The following FARP1 variants were observed in gnomAD, a reference collection of about 807,000 sequenced individuals.
FARP1 encodes FERM, ARHGEF and pleckstrin domain-containing protein 1.
FARP1 carries 52 observed loss-of-function variants against 128.8 expected under a neutral mutation model. The ratio of observed to expected loss-of-function variants is 0.40; its 90% CI spans 0.32 to 0.51. The LOEUF (loss-of-function observed/expected upper bound fraction) is 0.51, where lower values mean the gene tolerates loss of function less well. FARP1 is among the 20% of genes least tolerant of loss of function. The pLI, the probability that FARP1 is intolerant of heterozygous loss-of-function variation, is 0.45. For synonymous variants in FARP1, 580 were observed against 551.8 expected (o/e 1.05, Z -0.72); for missense variants, 1,333 against 1,367.9 (o/e 0.97, Z 0.40).
chr13:98,258,781 A>G (rs1383728777), intron 2 of FARP1, among the ~76,000 whole-genome samples: 3 of 152,140 alleles, frequency 2.0e-5, no homozygotes, highest in African/African-American at 2.4e-5. Context: ...TACCCTCTTG[A>G]TGAGATGACA....
intron 1 of FARP1, among the ~76,000 whole-genome samples, chr13:98,210,925 T>A (rs1037109739): frequency 6.6e-6 from 1 of 152,194 alleles, no homozygotes; most frequent in Non-Finnish European, 1.5e-5. Flanking sequence ...AAGTAGATTT[T>A]ATAGCATCAC....
chr13:98,296,529 T>A (rs1248542823), intron 2 of FARP1, among the ~76,000 whole-genome samples: 1 of 151,318 alleles, frequency 6.6e-6, no homozygotes, highest in Non-Finnish European at 1.5e-5. Flanking sequence ...CCGCTCTTCA[T>A]GCACATCCTC....
intron 24 of FARP1, among the ~76,000 whole-genome samples, chr13:98,441,041 C>T (rs566559634): frequency 1.3e-5 from 2 of 152,238 alleles, no homozygotes; most frequent in South Asian, 2.1e-4. Flanking sequence ...GAGTGGGCGC[C>T]GACCTCCCAC....
intron 1 of FARP1, among the ~76,000 whole-genome samples, chr13:98,180,812 G>T (rs1216585564): frequency 6.6e-6 from 1 of 152,172 alleles, no homozygotes; most frequent in East Asian, 1.9e-4. Context: ...GTTGAATGAG[G>T]AATGGTAGTG....
At chr13:98,224,548 A>AAG (rs1881637482) in intron 2 of FARP1, among the ~76,000 whole-genome samples, 1 of 149,332 alleles carries the variant, frequency 6.7e-6, no homozygotes, top group Admixed American at 6.7e-5. Context: ...AAAAAAAAGA[A>AAG]AAAAAAAAAG....
intron 5 of FARP1, among the ~76,000 whole-genome samples, chr13:98,375,346 CTAT>C (rs1398630199): frequency 2.0e-5 from 3 of 152,080 alleles, no homozygotes; most frequent in African/African-American, 7.2e-5. Context: ...TTTTCTAATT[CTAT>C]TATTCTTGCT....
intron 1 of FARP1, chr13:98,177,288 CCTTGCGTCGCT>C (rs966876162): frequency 5.6e-6 from 8 of 1,427,092 alleles, no homozygotes; most frequent in Non-Finnish European, 7.5e-6. Context: ...CTTGCGTCGC[CCTTGCGTCGCT>C]GCACGTGGGG....
chr13:98,319,188 C>T (rs542324886), intron 2 of FARP1, among the ~76,000 whole-genome samples: 2 of 152,134 alleles, frequency 1.3e-5, no homozygotes, highest in South Asian at 4.2e-4. Flanking sequence ...TGCTCTCAAA[C>T]TCCTAGGCTC....
rs535004259 is a variant in FARP1 at position 98,369,029 on chromosome 13, G to A, written c.398+834G>A. Among the ~76,000 whole-genome samples, 6 of 151,418 alleles carry A rather than the reference G, an allele frequency of 4.0e-5. No individual in the cohort carries two copies. The East Asian group carries it at 7.8e-4, about 20-fold the overall frequency. Reference sequence around the variant, plus strand: ...CAACCTCTGCCTCCCGGATTCAAGCGATTCTCCTGCCTCAGCCTCCTGAGT... The same window carrying A: ...CAACCTCTGCCTCCCGGATTCAAGCAATTCTCCTGCCTCAGCCTCCTGAGT... On this transcript the variant is annotated intron_variant, in intron 5 of 26. Transcript: ENST00000319562.
Position 98,448,376 on chromosome 13 carries a change from T to A in FARP1, c.*59T>A. ...TTCCTGGAAGACGTTTCCTTTCTTCTGTATTAATGAAGCCTGGTAAAATTA... is the reference window on the plus strand; with the variant it reads ...TTCCTGGAAGACGTTTCCTTTCTTCAGTATTAATGAAGCCTGGTAAAATTA... On this transcript the variant is annotated 3_prime_UTR_variant, in exon 27 of 27. Coordinates refer to ENST00000319562, the MANE Select transcript of FARP1 (RefSeq NM_005766.4). The A allele has an allele frequency of 7.6e-7, 1 of 1,309,602 alleles. No homozygotes were observed. Among genetic ancestry groups the A allele is most frequent in the South Asian group, 1.2e-5 (1 of 84,676 alleles). 81.1% of individuals were successfully genotyped at this position (1,309,602 alleles called of 1,614,324 possible). A position where few individuals can be genotyped will look rare whatever the true frequency, so the allele number is the denominator to read the frequency against.
At chr13:98,148,109 TGGCTCAC>T (rs1374302086) in intron 1 of FARP1, among the ~76,000 whole-genome samples, 1 of 152,088 alleles carries the variant, frequency 6.6e-6, no homozygotes, top group African/African-American at 2.4e-5. Flanking sequence ...TAAGGTGCGG[TGGCTCAC>T]GCCTGTAACC....
At chr13:98,308,084 G>A (rs1886265321) in intron 2 of FARP1, among the ~76,000 whole-genome samples, 1 of 129,964 alleles carries the variant, frequency 7.7e-6, no homozygotes, top group Non-Finnish European at 1.6e-5. Flanking sequence ...CAGCTCCAAG[G>A]GTTTCTTGGA....
At chr13:98,396,341 T>C (rs1306730752) in intron 13 of FARP1, 1 of 399,060 alleles carries the variant, frequency 2.5e-6, no homozygotes, top group Admixed American at 4.4e-5. Context: ...GACTCTGAGA[T>C]GCTGATCCCC....
At chr13:98,156,661 GC>G (rs1876516418) in intron 1 of FARP1, among the ~76,000 whole-genome samples, 1 of 151,990 alleles carries the variant, frequency 6.6e-6, no homozygotes, top group Non-Finnish European at 1.5e-5. Context: ...TCCTGCCTCA[GC>G]CTCCCAAAGT....
intron 3 of FARP1, among the ~76,000 whole-genome samples, chr13:98,346,252 C>T (rs1225630408): frequency 4.3e-5 from 6 of 139,074 alleles, no homozygotes; most frequent in Admixed American, 2.3e-4. Flanking sequence ...TGCAGTGGTG[C>T]GAGCTTGGCT....
intron 2 of FARP1, among the ~76,000 whole-genome samples, chr13:98,227,704 A>T (rs954759665): frequency 5.9e-5 from 9 of 152,156 alleles, no homozygotes; most frequent in African/African-American, 2.2e-4. Context: ...GCTAGCCAGG[A>T]GGTAGAAGGA....
chr13:98,371,621 G>A lies in FARP1; in HGVS notation c.398+3426G>A, dbSNP rs530275612. On this transcript the variant is annotated intron_variant, in intron 5 of 26. Transcript: ENST00000319562. The stretch of plus-strand genomic sequence containing the variant: ...TACAAGGCATAGAGAACCTCATGGG[G>A]CCGATGTGTTGGGACTCTCGCATCT... Among the ~76,000 whole-genome samples, 3 of 152,072 alleles carry A rather than the reference G, an allele frequency of 2.0e-5. No homozygotes were observed. The South Asian group carries it at 6.2e-4, about 31-fold the overall frequency.
chr13:98,371,826 T>C (rs538186122), intron 5 of FARP1, among the ~76,000 whole-genome samples: 2 of 152,294 alleles, frequency 1.3e-5, no homozygotes, highest in East Asian at 3.9e-4. Context: ...AAAGCATAAG[T>C]GACTCTAGCT....
At chr13:98,161,637 C>A (rs553899107) in intron 1 of FARP1, among the ~76,000 whole-genome samples, 2 of 152,298 alleles carry the variant, frequency 1.3e-5, no homozygotes, top group South Asian at 4.1e-4. Flanking sequence ...TCCCAGATGT[C>A]TTTCAAGCCC....
Sources: allele counts gnomAD v4.1 joint callset (sites outside exome capture counted in the v4.1 genomes callset), GRCh38; gene constraint gnomAD v4.1.1; transcripts MANE v1.5; gene names NCBI Gene and HGNC (gene_info 2026-07-23, HGNC 2026-07-21).